The following RABGEF1 variants were observed in gnomAD, a reference collection of about 807,000 sequenced individuals.
RABGEF1 encodes the protein RAB guanine nucleotide exchange factor 1.
In RABGEF1, 26 loss-of-function variants were observed where a neutral mutation model predicts 57.3. That is an observed-to-expected ratio of 0.45 (90% CI 0.33 to 0.63). The LOEUF is 0.63. RABGEF1 is among the 20% of genes least tolerant of loss of function. The pLI is 0.02. For synonymous variants in RABGEF1, 185 were observed against 210.7 expected, an observed-to-expected ratio of 0.88 and a Z score of 1.06; for missense variants, 464 against 607.6, an observed-to-expected ratio of 0.76 and a Z score of 2.48.
chr7:66,727,790 T>C (rs1202448224), intron 2 of RABGEF1, among the ~76,000 whole-genome samples: 4 of 152,218 alleles, frequency 2.6e-5, no homozygotes, highest in African/African-American at 7.2e-5. Flanking sequence ...GCATCGATTA[T>C]GGAGGGCCTG....
intron 1 of RABGEF1, among the ~76,000 whole-genome samples, chr7:66,682,530 C>T (rs1425069130): frequency 6.6e-6 from 1 of 152,216 alleles, no homozygotes; most frequent in Non-Finnish European, 1.5e-5. Flanking sequence ...GACGGCCTGA[C>T]CTGGATCACT....
At chr7:66,685,302 C>G (rs538395872) in intron 1 of RABGEF1, among the ~76,000 whole-genome samples, 1 of 151,910 alleles carries the variant, frequency 6.6e-6, no homozygotes, top group Non-Finnish European at 1.5e-5. Context: ...TATAGGCACT[C>G]GCCACCATGC....
chr7:66,701,815 TTATCAGA>T (rs1167024056), intron 1 of RABGEF1, among the ~76,000 whole-genome samples: 2 of 152,202 alleles, frequency 1.3e-5, no homozygotes, highest in Non-Finnish European at 2.9e-5. Flanking sequence ...TACAAGTTCT[TTATCAGA>T]TATATGGTTT....
chr7:66,789,241 T>C (rs1011895375), intron 4 of RABGEF1, among the ~76,000 whole-genome samples: 84 of 152,226 alleles, frequency 5.5e-4, no homozygotes, highest in African/African-American at 2.0e-3. Context: ...AACTAGCAAA[T>C]AGGCTTTAAT....
chr7:66,763,609 C>G (rs1373042081), intron 1 of RABGEF1, among the ~76,000 whole-genome samples: 1 of 152,214 alleles, frequency 6.6e-6, no homozygotes, highest in Non-Finnish European at 1.5e-5. Context: ...AACTTTAGAA[C>G]ATTTTCATCA....
chr7:66,785,298 T>C (rs1810893926), intron 4 of RABGEF1, among the ~76,000 whole-genome samples: 1 of 152,196 alleles, frequency 6.6e-6, no homozygotes, highest in Admixed American at 6.5e-5. Context: ...CCACCTATTT[T>C]CCATTTCTAC....
Position 66,686,903 on chromosome 7 carries a change from G to A in RABGEF1, c.-873+4645G>A, listed in dbSNP as rs575810664. ...GTGGCGCGATCTCGGCTCACTGCAA[G>A]CTCCGCCTCCCGGGTTCAAGCCATT... is the stretch of plus-strand genomic sequence containing the variant. On this transcript the variant is annotated intron_variant and NMD_transcript_variant, in intron 1 of 9. Coordinates refer to the RABGEF1 transcript ENST00000607882. Among the ~76,000 whole-genome samples, 3 of 151,004 alleles carry A rather than the reference G, an allele frequency of 2.0e-5. No homozygotes were observed. In the East Asian group the frequency reaches 5.9e-4, roughly 29 times the overall value.
rs62464649 is a variant in RABGEF1, at chr7:66,788,816, G to A, written c.513+4975G>A. Among the ~76,000 whole-genome samples the A allele has an allele frequency of 4.2e-3, 642 of 151,928 alleles. 3 individuals are homozygous for A. The highest frequency in any genetic ancestry group is 7.8e-3 in the Non-Finnish European group (527 of 67,926). The stretch of plus-strand genomic sequence containing the variant: ...TAAAAATACAAAAAATTAGCTGGGC[G>A]TGGTGGCGGGTGCCTGTAATCCCAG... On this transcript the variant is annotated intron_variant, in intron 4 of 8. Transcript: ENST00000284957.
At chr7:66,737,467 T>C (rs538483084), upstream of RABGEF1, among the ~76,000 whole-genome samples, 1 of 151,894 alleles carries the variant, frequency 6.6e-6, no homozygotes, top group Admixed American at 6.6e-5. Context: ...TAAAACAATA[T>C]GGAGAGTACC....
chr7:66,703,518 AC>A (rs1793597092), intron 1 of RABGEF1, among the ~76,000 whole-genome samples: 1 of 152,170 alleles, frequency 6.6e-6, no homozygotes, highest in Non-Finnish European at 1.5e-5. Flanking sequence ...TGGCATGTGG[AC>A]ATCCAGTTGT....
chr7:66,717,022 G>A (rs1270170881), intron 2 of RABGEF1, among the ~76,000 whole-genome samples: 6 of 152,218 alleles, frequency 3.9e-5, no homozygotes, highest in East Asian at 3.9e-4. Flanking sequence ...CAGGTGATCC[G>A]CCCGCCTCAG....
chr7:66,670,184 A>G, the RABGEF1 span, among the ~76,000 whole-genome samples: 4 of 151,964 alleles, frequency 2.6e-5, no homozygotes, highest in African/African-American at 9.7e-5. Flanking sequence ...CTCCAATTTC[A>G]CTGTCCCCTA....
intron 4 of RABGEF1, among the ~76,000 whole-genome samples, chr7:66,786,382 T>C (rs10234747): frequency 0.12 from 18,166 of 152,162 alleles, 1,266 homozygotes; most frequent in East Asian, 0.2. Flanking sequence ...TGCAACACAC[T>C]TCTCTTTCTT....
intron 1 of RABGEF1, among the ~76,000 whole-genome samples, chr7:66,699,010 T>C (rs959312257): frequency 1.3e-5 from 2 of 152,212 alleles, no homozygotes; most frequent in Non-Finnish European, 2.9e-5. Context: ...CAGTCCCACA[T>C]GCAGCGCTGG....
intron 2 of RABGEF1, among the ~76,000 whole-genome samples, chr7:66,718,335 A>C (rs1293204269): frequency 6.6e-6 from 1 of 152,212 alleles, no homozygotes; most frequent in East Asian, 1.9e-4. Context: ...TGACAGAGCA[A>C]GACTCTGTCT....
intron 1 of RABGEF1, among the ~76,000 whole-genome samples, chr7:66,742,763 C>T (rs1249345773): frequency 6.6e-6 from 1 of 152,146 alleles, no homozygotes; most frequent in Admixed American, 6.5e-5. Context: ...CGTGCCACCA[C>T]ACCCAGCTGA....
At chr7:66,763,122 C>T (rs1331343613) in intron 1 of RABGEF1, among the ~76,000 whole-genome samples, 1 of 152,204 alleles carries the variant, frequency 6.6e-6, no homozygotes, top group African/African-American at 2.4e-5. Flanking sequence ...TTCAGCCTTC[C>T]TAAGTGCTGG....
chr7:66,663,373 T>TA, the RABGEF1 span, among the ~76,000 whole-genome samples: 1 of 152,150 alleles, frequency 6.6e-6, no homozygotes, highest in Admixed American at 6.6e-5. Flanking sequence ...GCCGCTGGGT[T>TA]AGGGTCTCCC....
chr7:66,667,930 T>C, the RABGEF1 span, among the ~76,000 whole-genome samples: 1 of 152,136 alleles, frequency 6.6e-6, no homozygotes, highest in Admixed American at 6.6e-5. Context: ...CCCTAGTAGC[T>C]GGAATTATAG....
Sources: allele counts gnomAD v4.1 joint callset (sites outside exome capture counted in the v4.1 genomes callset), GRCh38; gene constraint gnomAD v4.1.1; transcripts MANE v1.5; gene names NCBI Gene and HGNC (gene_info 2026-07-23, HGNC 2026-07-21).